RANBP17: variants seen among roughly 807,000 people sequenced by gnomAD.
The protein encoded by RANBP17 is RAN binding protein 17.
In RANBP17, 158 loss-of-function variants were observed where a neutral mutation model predicts 141.2. The ratio of observed to expected loss-of-function variants is 1.12; its 90% CI spans 0.98 to 1.28. The LOEUF (loss-of-function observed/expected upper bound fraction) is 1.28, where lower values mean the gene tolerates loss of function less well. Among genes scored for constraint, RANBP17 ranks in the 50% most tolerant of loss-of-function variants. The probability of loss-of-function intolerance (pLI) is 0.00; values close to 1 mark genes in which losing one functional copy is unlikely to be tolerated. For missense variants in RANBP17, 1,438 were observed against 1,290.7 expected (o/e 1.11, Z -1.75); for synonymous variants, 430 against 450.0 (o/e 0.96, Z 0.56).
chr5:171,107,998 C>A (rs1484074862), intron 14 of RANBP17, among the ~76,000 whole-genome samples: 1 of 152,152 alleles, frequency 6.6e-6, no homozygotes, highest in East Asian at 1.9e-4. Flanking sequence ...ACCTTTTGAA[C>A]TTGGAATTGT....
At chr5:170,996,935 T>C (rs905053215) in intron 14 of RANBP17, among the ~76,000 whole-genome samples, 2 of 152,142 alleles carry the variant, frequency 1.3e-5, no homozygotes, top group Non-Finnish European at 2.9e-5. Context: ...ATTAAACACA[T>C]AAGAATCCTG....
At chr5:170,947,554 A>G (rs918108594) in intron 12 of RANBP17, among the ~76,000 whole-genome samples, 3 of 152,150 alleles carry the variant, frequency 2.0e-5, no homozygotes. Flanking sequence ...TCAGGTAACA[A>G]TTGCATTATT....
intron 14 of RANBP17, among the ~76,000 whole-genome samples, chr5:170,987,392 GTTTTCCT>G (rs1778212154): frequency 6.6e-6 from 1 of 151,156 alleles, no homozygotes; most frequent in Non-Finnish European, 1.5e-5. Flanking sequence ...ACCTAGTTAG[GTTTTCCT>G]TCTTGGTGAG....
chr5:171,165,836 T>C (rs1759656633), intron 14 of RANBP17, among the ~76,000 whole-genome samples: 1 of 152,148 alleles, frequency 6.6e-6, no homozygotes, highest in Non-Finnish European at 1.5e-5. Context: ...TCTTACTGAA[T>C]TTATAGGGAG....
chr5:171,103,915 G>A (rs1196733776), intron 14 of RANBP17, among the ~76,000 whole-genome samples: 5 of 152,156 alleles, frequency 3.3e-5, no homozygotes, highest in Admixed American at 6.5e-5. Flanking sequence ...TCTTCGGCTC[G>A]CCCTCTGTGG....
At chr5:171,137,095 T>C (rs2127800057) in intron 14 of RANBP17, among the ~76,000 whole-genome samples, 1 of 152,300 alleles carries the variant, frequency 6.6e-6, no homozygotes, top group East Asian at 1.9e-4. Context: ...AGAGAGAATA[T>C]CTTATATTGG....
In RANBP17 at chr5:170,953,695, T is replaced by C; in HGVS notation, c.1567T>C (p.Ser523Pro). The change falls in exon 13 of 28, where the codon TCC (serine) becomes CCC (proline). Residue 523 changes from serine to proline, a missense_variant. By Grantham distance (74) the Ser-to-Pro change is moderately conservative. Coordinates refer to ENST00000523189, the MANE Select transcript of RANBP17 (RefSeq NM_022897.5). ...DEHDAMDGELSCRVFQLISLM... is the reference protein window; with the variant it reads ...DEHDAMDGELPCRVFQLISLM... ...GCATGATGCTATGGATGGAGAATTA[T>C]CCTGTCGGTAAGTAAGAGCTATGTA... The C allele has an allele frequency of 6.3e-7, 1 of 1,590,854 alleles. No homozygotes were observed.
At chr5:170,959,117 T>G (rs1775950284) in intron 13 of RANBP17, among the ~76,000 whole-genome samples, 1 of 152,184 alleles carries the variant, frequency 6.6e-6, no homozygotes, top group African/African-American at 2.4e-5. Flanking sequence ...AGTGCTAGCT[T>G]CTTTCAGACC....
At chr5:171,148,024 T>C (rs1426773257) in intron 14 of RANBP17, among the ~76,000 whole-genome samples, 1 of 152,138 alleles carries the variant, frequency 6.6e-6, no homozygotes, top group Non-Finnish European at 1.5e-5. Flanking sequence ...CATGGGAGAC[T>C]TTTCATTTTG....
intron 5 of RANBP17, among the ~76,000 whole-genome samples, chr5:170,902,560 T>C (rs10463004): frequency 0.6 from 91,453 of 152,060 alleles, 29,211 homozygotes; most frequent in South Asian, 0.88. Flanking sequence ...TTTGTTCCCT[T>C]GTTGGCGAGG....
intron 21 of RANBP17, among the ~76,000 whole-genome samples, chr5:171,217,537 G>C (rs1449740766): frequency 6.7e-6 from 1 of 150,134 alleles, no homozygotes; most frequent in African/African-American, 2.4e-5. Flanking sequence ...ATCTGTCTGG[G>C]CTTTTTTTGG....
At chr5:171,087,415 T>A (rs1785754939) in intron 14 of RANBP17, among the ~76,000 whole-genome samples, 1 of 152,108 alleles carries the variant, frequency 6.6e-6, no homozygotes. Context: ...AGGTGTGGTG[T>A]GGTGCTGAAA....
At chr5:171,197,281 A>G (rs1016527344) in intron 18 of RANBP17, among the ~76,000 whole-genome samples, 1 of 152,190 alleles carries the variant, frequency 6.6e-6, no homozygotes, top group African/African-American at 2.4e-5. Flanking sequence ...CTGTGCTAAT[A>G]CTATAGTGCT....
intron 14 of RANBP17, among the ~76,000 whole-genome samples, chr5:171,078,686 T>G (rs895934989): frequency 6.6e-6 from 1 of 152,172 alleles, no homozygotes; most frequent in African/African-American, 2.4e-5. Flanking sequence ...CTATCAGTGC[T>G]CTAGAAATGG....
At chr5:171,080,244 A>AACACACACAC (rs5873252) in intron 14 of RANBP17, among the ~76,000 whole-genome samples, 29 of 147,890 alleles carry the variant, frequency 2.0e-4, no homozygotes, top group African/African-American at 6.7e-4. Flanking sequence ...ACACACACAA[A>AACACACACAC]ACACACACAC....
Position 171,242,711 on chromosome 5 carries a change from T to C in RANBP17, c.2667T>C (p.Tyr889=), listed in dbSNP as rs573200223. 5 of 1,613,834 alleles carry C rather than the reference T, an allele frequency of 3.1e-6. No individual in the cohort carries two copies. The African/African-American group carries it at 5.3e-5, about 17-fold the overall frequency. Residue 889 remains tyrosine (Y), a synonymous_variant, in exon 24 of 28, where the codon TAT becomes TAC. Transcript: ENST00000523189. ...ACCGGAAACTGAGCCAGTCTTATTA[T>C]CCACTCCTGGAATGTCTCACTCAGG... The part of the protein sequence containing the change: ...LQYRKLSQSY[Y]PLLECLTQDH...
intron 14 of RANBP17, among the ~76,000 whole-genome samples, chr5:171,143,104 A>G (rs1397796568): frequency 6.6e-6 from 1 of 152,208 alleles, no homozygotes; most frequent in Non-Finnish European, 1.5e-5. Flanking sequence ...CAGCTCCATG[A>G]TCACTCACTG....
At chr5:171,227,448 G>T (rs1006496829) in intron 22 of RANBP17, among the ~76,000 whole-genome samples, 1 of 152,220 alleles carries the variant, frequency 6.6e-6, no homozygotes, top group Admixed American at 6.5e-5. Flanking sequence ...AGGTGAGGAG[G>T]CTACAGAAGA....
chr5:171,173,938 T>C (rs17073390), intron 16 of RANBP17, among the ~76,000 whole-genome samples: 6,910 of 152,200 alleles, frequency 0.045, 202 homozygotes, highest in East Asian at 0.12. Context: ...CACTTTTTCA[T>C]AGGACTTCAT....
Sources: allele counts gnomAD v4.1 joint callset (sites outside exome capture counted in the v4.1 genomes callset), GRCh38; gene constraint gnomAD v4.1.1; transcripts MANE v1.5; gene names NCBI Gene and HGNC (gene_info 2026-07-23, HGNC 2026-07-21).